Variants in DOK6 observed in about 807,000 individuals in gnomAD.
DOK6 encodes the protein downstream of tyrosine kinase 6.
A neutral mutation model predicts 44.0 loss-of-function variants in DOK6; 22 were observed. The ratio of observed to expected loss-of-function variants is 0.50; its 90% confidence interval spans 0.36 to 0.71. DOK6 has a LOEUF of 0.71. Ranked by LOEUF, DOK6 falls within the 30% of genes least tolerant of loss-of-function variation. The pLI, the probability that DOK6 is intolerant of heterozygous loss-of-function variation, is 0.00. For missense variants in DOK6, 340 were observed against 416.4 expected, an observed-to-expected ratio of 0.82 and a Z score of 1.60; for synonymous variants, 166 against 145.5, an observed-to-expected ratio of 1.14 and a Z score of -1.01.
chr18:69,648,561 G>A (rs914489063), intron 3 of DOK6, among the ~76,000 whole-genome samples: 6 of 152,106 alleles, frequency 3.9e-5, no homozygotes, highest in African/African-American at 7.2e-5. Flanking sequence ...ATAATAAAAT[G>A]GCTTATTAGT....
At chr18:69,802,615 G>A (rs979440509) in intron 7 of DOK6, among the ~76,000 whole-genome samples, 9 of 152,084 alleles carry the variant, frequency 5.9e-5, no homozygotes, top group African/African-American at 1.9e-4. Flanking sequence ...TGTCATCACC[G>A]TAATGAGTGA....
chr18:69,695,726 A>C (rs1986373979), intron 4 of DOK6, among the ~76,000 whole-genome samples: 1 of 152,188 alleles, frequency 6.6e-6, no homozygotes, highest in Admixed American at 6.5e-5. Context: ...TTTTAATTGA[A>C]TCTGAAATTC....
chr18:69,768,948 G>GATGTGCGTGTGTGTGTGTGTGT (rs1555669794), intron 7 of DOK6, among the ~76,000 whole-genome samples: 1 of 37,656 alleles, frequency 2.7e-5, no homozygotes, highest in Non-Finnish European at 1.1e-4. Context: ...AGATTTGAAG[G>GATGTGCGTGTGTGTGTGTGTGT]GTGTGCGTGT....
intron 4 of DOK6, among the ~76,000 whole-genome samples, chr18:69,680,929 T>C (rs1986030108): frequency 6.6e-6 from 1 of 152,220 alleles, no homozygotes; most frequent in Admixed American, 6.5e-5. Flanking sequence ...GTCATTTCAC[T>C]GACTCTCAAT....
chr18:69,725,638 C>G (rs114467929), intron 5 of DOK6, among the ~76,000 whole-genome samples: 5,745 of 152,154 alleles, frequency 0.038, 162 homozygotes, highest in East Asian at 0.086. Flanking sequence ...CAGGTGTGAG[C>G]CACCACATCC....
chr18:69,719,946 T>C (rs2144722661), intron 5 of DOK6, among the ~76,000 whole-genome samples: 1 of 152,248 alleles, frequency 6.6e-6, no homozygotes, highest in East Asian at 1.9e-4. Flanking sequence ...ATCATGCACT[T>C]TGGGAAGCCA....
rs377366953 is a variant in DOK6 at position 69,731,451 on chromosome 18, GAAT to G, written c.600-7511_600-7509del. 2.9e-3 allele frequency among the ~76,000 whole-genome samples: 434 copies of G among 152,160 alleles called. 2 individuals are homozygous for G. The highest frequency in any genetic ancestry group is 9.9e-3 in the African/African-American group (411 of 41,544). ...TGACAAATGAATAATTGTAACCTGA[GAAT>G]AAAAGTCAATCCTTAGTCAAATCAA... On this transcript the variant is annotated intron_variant, in intron 5 of 7. Transcript: ENST00000382713.
chr18:69,475,272 AGT>A (rs1353908208), intron 1 of DOK6, among the ~76,000 whole-genome samples: 1 of 152,190 alleles, frequency 6.6e-6, no homozygotes, highest in African/African-American at 2.4e-5. Context: ...GAAAAACAAA[AGT>A]ATTGATCTTA....
intron 1 of DOK6, among the ~76,000 whole-genome samples, chr18:69,497,674 A>G (rs1399193872): frequency 1.3e-5 from 2 of 152,214 alleles, no homozygotes; most frequent in Non-Finnish European, 2.9e-5. Context: ...TATTTGTTGA[A>G]TTGCAAAATC....
Position 69,760,380 on chromosome 18 carries a change from C to T in DOK6, c.856+2507C>T, listed in dbSNP as rs374424156. Among the ~76,000 whole-genome samples the T allele has an allele frequency of 9.9e-5, 15 of 152,220 alleles. 1 individual carries two copies. The South Asian group carries it at 3.1e-3, about 32-fold the overall frequency. ...GTGCGGTGGCTCATCCCTGTAATCC[C>T]AGCACTTTGAGAGTTTGATTTTTTT... On this transcript the variant is annotated intron_variant, in intron 7 of 7. Transcript: ENST00000382713.
At chr18:69,558,635 T>G (rs1388582150) in intron 1 of DOK6, among the ~76,000 whole-genome samples, 1 of 152,094 alleles carries the variant, frequency 6.6e-6, no homozygotes, top group Non-Finnish European at 1.5e-5. Context: ...ATAACTTAAT[T>G]AAGACAAACA....
intron 6 of DOK6, among the ~76,000 whole-genome samples, chr18:69,751,720 A>C (rs1979185292): frequency 6.6e-6 from 1 of 152,160 alleles, no homozygotes; most frequent in Non-Finnish European, 1.5e-5. Flanking sequence ...AATTTGCACA[A>C]ATGGCCGGGT....
chr18:69,408,060 T>G (rs1284891193), intron 1 of DOK6, among the ~76,000 whole-genome samples: 2 of 152,154 alleles, frequency 1.3e-5, no homozygotes, highest in African/African-American at 2.4e-5. Context: ...CCAAAAGAAG[T>G]AAGGCAAATC....
At chr18:69,412,960 CT>C (rs1431906433) in intron 1 of DOK6, among the ~76,000 whole-genome samples, 4 of 152,062 alleles carry the variant, frequency 2.6e-5, no homozygotes, top group Non-Finnish European at 4.4e-5. Flanking sequence ...GTCATTTCTA[CT>C]GGATCAATGT....
intron 1 of DOK6, among the ~76,000 whole-genome samples, chr18:69,505,707 A>C (rs988160803): frequency 2.6e-5 from 4 of 151,830 alleles, no homozygotes; most frequent in Non-Finnish European, 4.4e-5. Flanking sequence ...CATGTTCACC[A>C]GGCTGGTCTT....
chr18:69,685,643 A>C (rs1986136400), intron 4 of DOK6, among the ~76,000 whole-genome samples: 1 of 152,200 alleles, frequency 6.6e-6, no homozygotes, highest in Non-Finnish European at 1.5e-5. Flanking sequence ...TAACAATTCT[A>C]GTGATGCTCA....
chr18:69,642,247 CA>C (rs537136200), intron 3 of DOK6, among the ~76,000 whole-genome samples: 24 of 152,304 alleles, frequency 1.6e-4, no homozygotes, highest in African/African-American at 4.8e-4. Context: ...ACCATGATCA[CA>C]ACCAACATAT....
intron 1 of DOK6, among the ~76,000 whole-genome samples, chr18:69,514,720 T>TTG (rs1981468578): frequency 1.3e-5 from 2 of 151,750 alleles, no homozygotes; most frequent in Admixed American, 6.6e-5. Context: ...TTTTTGTTTT[T>TTG]TTTTAAGAAA....
intron 3 of DOK6, among the ~76,000 whole-genome samples, chr18:69,667,633 C>G (rs1356477027): frequency 6.6e-6 from 1 of 152,192 alleles, no homozygotes; most frequent in Non-Finnish European, 1.5e-5. Flanking sequence ...CAGCTACTCT[C>G]TCCTCCTTGA....
Sources: allele counts gnomAD v4.1 joint callset (sites outside exome capture counted in the v4.1 genomes callset), GRCh38; gene constraint gnomAD v4.1.1; transcripts MANE v1.5; gene names NCBI Gene and HGNC (gene_info 2026-07-23, HGNC 2026-07-21).